Variants in DOCK3 observed in about 807,000 individuals in gnomAD.
DOCK3 encodes the protein dedicator of cytokinesis 3.
In DOCK3, 60 loss-of-function variants were observed where a neutral mutation model predicts 265.6. That is an observed-to-expected ratio of 0.23 (90% confidence interval 0.18 to 0.28). The LOEUF is 0.28. DOCK3 is among the 10% of genes least tolerant of loss of function. The pLI is 1.00. For synonymous variants in DOCK3, 881 were observed against 938.0 expected (o/e 0.94, Z 1.11); for missense variants, 1,981 against 2,594.3 (o/e 0.76, Z 5.14).
intron 23 of DOCK3, 77 bp from the exon 24 acceptor site, chr3:51,270,738 T>C: frequency 6.9e-7 from 1 of 1,447,690 alleles, no homozygotes; most frequent in Non-Finnish European, 9.3e-7. Context: ...TCTCACCACC[T>C]TGTATCATTG....
intron 14 of DOCK3, among the ~76,000 whole-genome samples, chr3:51,221,204 G>A (rs1014094836): frequency 1.3e-5 from 2 of 152,118 alleles, no homozygotes; most frequent in African/African-American, 4.8e-5. Context: ...GAGTATTCCA[G>A]GCCAATCCCT....
chr3:50,981,520 C>T (rs1332377115), intron 5 of DOCK3, among the ~76,000 whole-genome samples: 1 of 152,164 alleles, frequency 6.6e-6, no homozygotes, highest in Admixed American at 6.5e-5. Flanking sequence ...TCTCAATGAT[C>T]CATCCAATGC....
chr3:51,306,949 A>AT (rs1417801762), intron 27 of DOCK3, among the ~76,000 whole-genome samples: 3 of 152,024 alleles, frequency 2.0e-5, no homozygotes, highest in African/African-American at 7.3e-5. Flanking sequence ...ATACTTTCCT[A>AT]TTTTTTTATA....
chr3:50,961,380 A>C (rs2108390023), intron 5 of DOCK3, among the ~76,000 whole-genome samples: 1 of 152,332 alleles, frequency 6.6e-6, no homozygotes, highest in African/African-American at 2.4e-5. Context: ...ATGCAGTGAG[A>C]GGAATAGGAA....
intron 26 of DOCK3, chr3:51,278,258 G>A (rs2080920090): frequency 1.0e-6 from 1 of 985,244 alleles, no homozygotes; most frequent in Admixed American, 6.2e-5. Context: ...ACTGGCATTA[G>A]TGAATAACGA....
At chr3:50,919,218 G>T (rs1414068783) in intron 4 of DOCK3, among the ~76,000 whole-genome samples, 1 of 152,116 alleles carries the variant, frequency 6.6e-6, no homozygotes, top group African/African-American at 2.4e-5. Context: ...TGTTCTTTTG[G>T]CTTAGGATTG....
rs367575943 is a variant in DOCK3 at position 50,699,593 on chromosome 3, G to A, written c.37+24293G>A. On this transcript the variant is annotated intron_variant, in intron 1 of 52. Transcript: ENST00000266037. The stretch of plus-strand genomic sequence containing the variant: ...TCAGCCTCCTGAGTAGCTGGTATGG[G>A]AATATCTCCCTTTTTAAGACTCTGT... 4.3e-4 allele frequency among the ~76,000 whole-genome samples: 66 copies of A among 151,912 alleles called. 2 individuals carry two copies. The South Asian group carries it at 0.012, about 29-fold the overall frequency.
intron 9 of DOCK3, among the ~76,000 whole-genome samples, chr3:51,119,075 T>C (rs1325810173): frequency 6.6e-6 from 1 of 152,228 alleles, no homozygotes; most frequent in African/African-American, 2.4e-5. Context: ...GTGTCCATGG[T>C]CTTTACATTT....
intron 1 of DOCK3, among the ~76,000 whole-genome samples, chr3:50,712,477 A>G (rs1006789816): frequency 1.3e-5 from 2 of 152,178 alleles, no homozygotes; most frequent in Non-Finnish European, 2.9e-5. Flanking sequence ...AGCTGGAACT[A>G]TAGGCACCTT....
At chr3:50,931,057 G>A (rs2051040420) in intron 4 of DOCK3, among the ~76,000 whole-genome samples, 1 of 152,150 alleles carries the variant, frequency 6.6e-6, no homozygotes, top group Admixed American at 6.5e-5. Flanking sequence ...GTCTCCTGGA[G>A]GTAGGGCACG....
chr3:51,168,353 T>C (rs1272396876), intron 12 of DOCK3, among the ~76,000 whole-genome samples: 2 of 152,196 alleles, frequency 1.3e-5, no homozygotes, highest in Non-Finnish European at 2.9e-5. Context: ...ACTACAGGAC[T>C]GCAGTAACCA....
intron 32 of DOCK3, among the ~76,000 whole-genome samples, chr3:51,326,493 A>T (rs4428169): frequency 1.3e-5 from 2 of 151,956 alleles, no homozygotes; most frequent in African/African-American, 4.8e-5. Context: ...TGTTGGTCAG[A>T]CTGGTCTCGA....
intron 4 of DOCK3, among the ~76,000 whole-genome samples, chr3:50,899,863 C>G (rs1242992795): frequency 6.6e-6 from 1 of 152,122 alleles, no homozygotes; most frequent in Non-Finnish European, 1.5e-5. Flanking sequence ...GATAGGCTTC[C>G]CTTTGTGGGT....
chr3:51,187,751 C>CT (rs1222615450), intron 12 of DOCK3, among the ~76,000 whole-genome samples: 5,112 of 112,064 alleles, frequency 0.046, 234 homozygotes, highest in African/African-American at 0.095. Flanking sequence ...TCTGCACAAG[C>CT]TTTTTTTTTT....
intron 1 of DOCK3, among the ~76,000 whole-genome samples, chr3:50,709,862 G>C (rs908991156): frequency 6.6e-6 from 1 of 152,068 alleles, no homozygotes; most frequent in African/African-American, 2.4e-5. Flanking sequence ...ATCAGGTCAA[G>C]GAAGTTCAAT....
chr3:51,309,627 GA>G, intron 27 of DOCK3, among the ~76,000 whole-genome samples: 1 of 1,804 alleles, frequency 5.5e-4, no homozygotes, highest in Non-Finnish European at 9.8e-4. Context: ...GGGAGAGCGA[GA>G]GCGAGAGCGA....
At chr3:51,235,998 A>G (rs143400811) in intron 19 of DOCK3, among the ~76,000 whole-genome samples, 96 of 152,356 alleles carry the variant, frequency 6.3e-4, no homozygotes, top group African/African-American at 2.2e-3. Flanking sequence ...TAAATTTGGC[A>G]TCAGTATCAC....
intron 31 of DOCK3, among the ~76,000 whole-genome samples, chr3:51,313,310 T>C (rs2083197703): frequency 6.6e-6 from 1 of 152,224 alleles, no homozygotes; most frequent in Admixed American, 6.5e-5. Flanking sequence ...GGCTATTAAT[T>C]TTAATAAAGA....
chr3:50,691,435 T>C (rs1428592145), intron 1 of DOCK3, among the ~76,000 whole-genome samples: 1 of 152,204 alleles, frequency 6.6e-6, no homozygotes, highest in Non-Finnish European at 1.5e-5. Context: ...AGTGTATGGG[T>C]ATACCACATT....
Sources: gnomAD v4.1 joint callset for allele counts (sites outside exome capture counted in the v4.1 genomes callset) on GRCh38, gnomAD v4.1.1 for gene constraint, MANE v1.5 for transcripts, NCBI Gene and HGNC (gene_info 2026-07-23, HGNC 2026-07-21) for gene names.